Variants in ANK3 observed in about 807,000 individuals in gnomAD.
ANK3 encodes the protein ankyrin 3, also known as ankyrin-3.
In ANK3, 57 loss-of-function variants were observed where a neutral mutation model predicts 370.9. The ratio of observed to expected loss-of-function variants is 0.15; its 90% CI spans 0.12 to 0.19. The LOEUF is 0.19. ANK3 is among the 10% of genes least tolerant of loss of function. The probability of loss-of-function intolerance (pLI) is 1.00; values close to 1 mark genes in which losing one functional copy is unlikely to be tolerated. For missense variants in ANK3, 4,439 were observed against 5,302.1 expected (o/e 0.84, Z 5.06); for synonymous variants, 1,929 against 1,946.3 (o/e 0.99, Z 0.23).
chr10:60,276,962 T>G (rs996213707), intron 4 of ANK3, among the ~76,000 whole-genome samples: 1 of 152,236 alleles, frequency 6.6e-6, no homozygotes, highest in Admixed American at 6.5e-5. Flanking sequence ...AGTACCATAC[T>G]TGTTGCTATT....
Position 60,396,890 on chromosome 10 carries a change from C to G in ANK3, c.97-117251G>C, listed in dbSNP as rs755893213. On this transcript the variant is annotated intron_variant, in intron 2 of 43. Coordinates refer to the ANK3 transcript ENST00000373827. ...GAATTCTTAACTCTCCCAACATACACGCTGTGATGCTGAAATACAATTACA... is the reference window on the plus strand; with the variant it reads ...GAATTCTTAACTCTCCCAACATACAGGCTGTGATGCTGAAATACAATTACA... Among the ~76,000 whole-genome samples, 58 of 152,146 alleles carry G rather than the reference C, an allele frequency of 3.8e-4. 1 individual carries two copies. Among genetic ancestry groups the G allele is most frequent in the Non-Finnish European group, 2.6e-4 (18 of 68,018 alleles).
chr10:60,560,092 T>C (rs548659730), intron 2 of ANK3, among the ~76,000 whole-genome samples: 1 of 152,180 alleles, frequency 6.6e-6, no homozygotes, highest in South Asian at 2.1e-4. Context: ...GATAGAAAAA[T>C]ATAATTGGCA....
In ANK3 at chr10:60,676,253, G is replaced by T. The variant is rs560272319; in HGVS notation, c.57+57010C>A. On this transcript the variant is annotated intron_variant, in intron 1 of 43. Transcript: ENST00000373827. Reference sequence around the variant, plus strand: ...AGTAGATAATTCTTGCAAGTAATTTGAAAATGTTTTACCTTTTCTCAATAG... The same window carrying T: ...AGTAGATAATTCTTGCAAGTAATTTTAAAATGTTTTACCTTTTCTCAATAG... 5.9e-5 allele frequency among the ~76,000 whole-genome samples: 9 copies of T among 152,208 alleles called. No homozygotes were observed. In the South Asian group the frequency reaches 1.7e-3, roughly 28 times the overall value.
chr10:60,671,663 G>A (rs1337872021), intron 1 of ANK3, among the ~76,000 whole-genome samples: 1 of 152,180 alleles, frequency 6.6e-6, no homozygotes, highest in African/African-American at 2.4e-5. Flanking sequence ...CCCAGCCCAG[G>A]ACACTGTGGA....
At chr10:60,361,578 A>T (rs998816090) in intron 1 of ANK3, among the ~76,000 whole-genome samples, 4 of 152,222 alleles carry the variant, frequency 2.6e-5, no homozygotes, top group African/African-American at 4.8e-5. Flanking sequence ...CATATAGTTC[A>T]GTCACTTTAT....
intron 7 of ANK3, 111 bp downstream of exon 7, chr10:60,261,748 T>A: frequency 1.2e-6 from 1 of 838,224 alleles, no homozygotes. Flanking sequence ...TAGCCTTCAC[T>A]GACTGGAAGG....
At chr10:60,250,369 T>G (rs1236135385) in intron 7 of ANK3, among the ~76,000 whole-genome samples, 10 of 152,150 alleles carry the variant, frequency 6.6e-5, no homozygotes, top group Admixed American at 3.9e-4. Context: ...TTTTATTTAT[T>G]TTTTTCTTTT....
At chr10:60,504,186 G>T (rs2075873848) in intron 2 of ANK3, among the ~76,000 whole-genome samples, 1 of 152,164 alleles carries the variant, frequency 6.6e-6, no homozygotes, top group East Asian at 1.9e-4. Flanking sequence ...AGAGATGGGA[G>T]TAAAACCTTG....
rs529272060 is a variant in ANK3 at position 60,432,670 on chromosome 10, GAACA to G, written c.97-153035_97-153032del. ...ACACGGAGTTGCATTAGAAAAAGCT[GAACA>G]AACATGAGGCCAAATATTACAGCTC... is the stretch of plus-strand genomic sequence containing the variant. On this transcript the variant is annotated intron_variant, in intron 2 of 43. Transcript: ENST00000373827. Among the ~76,000 whole-genome samples the G allele has an allele frequency of 2.4e-3, 367 of 152,256 alleles. 1 individual carries two copies. Among genetic ancestry groups the G allele is most frequent in the African/African-American group, 8.3e-3 (346 of 41,548 alleles).
intron 42 of ANK3, 102 bp downstream of exon 42, chr10:60,055,556 T>C: frequency 7.1e-7 from 1 of 1,404,386 alleles, no homozygotes; most frequent in Non-Finnish European, 9.6e-7. Context: ...AATTTAGAAA[T>C]CGTAAAAAAC....
At chr10:60,703,213 T>G (rs1164722069) in intron 1 of ANK3, among the ~76,000 whole-genome samples, 2 of 152,226 alleles carry the variant, frequency 1.3e-5, no homozygotes, top group African/African-American at 4.8e-5. Flanking sequence ...CCAAATGGAT[T>G]GGAAAAATAT....
At position 60,114,173 on chromosome 10, in the gene ANK3, A is replaced by C. The variant is rs2092922248; in HGVS notation, c.2948+52T>G. On this transcript the variant is annotated intron_variant, in intron 26 of 43. Coordinates refer to ENST00000280772, the MANE Select transcript of ANK3 (RefSeq NM_020987.5). ...TGTGAATTTATAACTCTAAGTAATA[A>C]ATGCACTGTTCATGTAGTAGGATAA... 1.1e-5 allele frequency: 11 copies of C among 990,266 alleles called. 1 individual carries two copies. The highest frequency in any genetic ancestry group is 1.7e-5 in the Non-Finnish European group (11 of 652,184). 61.3% of individuals were successfully genotyped at this position (990,266 alleles called of 1,614,324 possible).
chr10:60,263,250 G>C (rs1181728510), intron 6 of ANK3, among the ~76,000 whole-genome samples: 2 of 152,214 alleles, frequency 1.3e-5, no homozygotes, highest in Non-Finnish European at 2.9e-5. Context: ...TAAGTAATGA[G>C]GATGGAAGCT....
chr10:60,029,160 C>G lies in ANK3; in HGVS notation c.*686G>C, dbSNP rs2072730391. 1 of 152,216 alleles carries G rather than the reference C, an allele frequency of 6.6e-6. No homozygotes were observed. Among genetic ancestry groups the G allele is most frequent in the African/African-American group, 2.4e-5 (1 of 41,358 alleles). 9.4% of individuals were successfully genotyped at this position (152,216 alleles called of 1,614,324 possible). On this transcript the variant is annotated 3_prime_UTR_variant, in exon 44 of 44. Coordinates refer to ENST00000280772, the MANE Select transcript of ANK3 (RefSeq NM_020987.5). ...AAGCTAGCAGTTTTGCATATACAAA[C>G]ATTATAATTGCTAATATACAAGAAT...
intron 2 of ANK3, among the ~76,000 whole-genome samples, chr10:60,516,622 G>GA (rs926131530): frequency 2.6e-4 from 39 of 151,142 alleles, no homozygotes; most frequent in Admixed American, 1.8e-3. Flanking sequence ...GAAAATGGAG[G>GA]AAAAAAAAAT....
rs1336113763 is a variant in ANK3, at chr10:60,270,150, C to T, written c.494G>A (p.Ser165Asn). Reference protein sequence around the residue: ...VVKFLLDNGASQSLATEDGFT... With the variant: ...VVKFLLDNGANQSLATEDGFT... ...TCTTACCTCTGTGGCTAGGCTCTGGCTTGCACCATTGTCAAGAAGAAACTT... is the reference window on the plus strand; with the variant it reads ...TCTTACCTCTGTGGCTAGGCTCTGGTTTGCACCATTGTCAAGAAGAAACTT... Residue 165 changes from serine (S) to asparagine (N), a missense_variant, in exon 5 of 44, where the codon AGC (serine) becomes AAC (asparagine). This residue lies in a region of ANK3 where 136 missense variants were observed against 230.5 expected (regional missense o/e 0.59). Coordinates refer to ENST00000280772, the MANE Select transcript of ANK3 (RefSeq NM_020987.5). The T allele has an allele frequency of 1.9e-6, 3 of 1,596,936 alleles. No individual in the cohort carries two copies. The highest frequency in any genetic ancestry group is 2.3e-5 in the South Asian group (2 of 88,802).
rs142101917 is a variant in ANK3 at position 60,220,670 on chromosome 10, G to A, written c.898-7160C>T. On this transcript the variant is annotated intron_variant, in intron 8 of 43. Coordinates refer to ENST00000280772, the MANE Select transcript of ANK3 (RefSeq NM_020987.5). Reference sequence around the variant, plus strand: ...GAAGACCCTCTGCTTCCATTGTCCTGCCTTTCCAGATGGAAGCAATGTACA... The same window carrying A: ...GAAGACCCTCTGCTTCCATTGTCCTACCTTTCCAGATGGAAGCAATGTACA... 8.3e-4 allele frequency among the ~76,000 whole-genome samples: 127 copies of A among 152,268 alleles called. 2 individuals are homozygous for A. The East Asian group carries it at 0.023, about 28-fold the overall frequency.
Position 60,171,289 on chromosome 10 carries a change from C to T in ANK3, c.2478+1019G>A, listed in dbSNP as rs934403773. ...TTTGCAAATTACAAAATTTTTCTCCCGTAATCAGCAGGCTTGTTTTTTAGT... is the reference window on the plus strand; with the variant it reads ...TTTGCAAATTACAAAATTTTTCTCCTGTAATCAGCAGGCTTGTTTTTTAGT... On this transcript the variant is annotated intron_variant, in intron 21 of 43. Transcript: ENST00000280772. Among the ~76,000 whole-genome samples, 59 of 152,108 alleles carry T rather than the reference C, an allele frequency of 3.9e-4. 1 individual carries two copies. Among genetic ancestry groups the T allele is most frequent in the Middle Eastern group, 3.2e-3 (1 of 316 alleles).
At chr10:60,291,150 T>C (rs2041288236) in intron 1 of ANK3, among the ~76,000 whole-genome samples, 1 of 152,152 alleles carries the variant, frequency 6.6e-6, no homozygotes, top group Non-Finnish European at 1.5e-5. Flanking sequence ...TGGGTGGGTA[T>C]TTCTAATATT....
Sources: gnomAD v4.1 joint callset for allele counts (sites outside exome capture counted in the v4.1 genomes callset) on GRCh38, gnomAD v4.1.1 for gene constraint, gnomAD v4.1.1 regional missense constraint, MANE v1.5 for transcripts, NCBI Gene and HGNC (gene_info 2026-07-23, HGNC 2026-07-21) for gene names.